The following BAZ2B variants were observed in gnomAD, a reference collection of about 807,000 sequenced individuals.
BAZ2B encodes bromodomain adjacent to zinc finger domain protein 2B.
A neutral mutation model predicts 246.0 loss-of-function variants in BAZ2B; 91 were observed. The ratio of observed to expected loss-of-function variants is 0.37; its 90% CI spans 0.31 to 0.44. The LOEUF (loss-of-function observed/expected upper bound fraction) is 0.44. BAZ2B is among the 20% of genes least tolerant of loss of function. The pLI is 1.00. For synonymous variants in BAZ2B, 855 were observed against 860.0 expected (o/e 0.99, Z 0.10); for missense variants, 2,332 against 2,533.7 (o/e 0.92, Z 1.71).
the BAZ2B span, among the ~76,000 whole-genome samples, chr2:159,629,249 T>C: frequency 6.6e-6 from 1 of 152,182 alleles, no homozygotes; most frequent in Non-Finnish European, 1.5e-5. Flanking sequence ...GTTCAACCAT[T>C]GTGGAAGACA....
intron 34 of BAZ2B, among the ~76,000 whole-genome samples, chr2:159,327,208 T>G (rs979843655): frequency 2.6e-5 from 4 of 152,126 alleles, no homozygotes; most frequent in African/African-American, 9.7e-5. Flanking sequence ...TGAGCCACCA[T>G]GCCTGGCTAA....
intron 21 of BAZ2B, among the ~76,000 whole-genome samples, chr2:159,388,108 C>G (rs1396238487): frequency 6.6e-6 from 1 of 151,196 alleles, no homozygotes; most frequent in African/African-American, 2.4e-5. Flanking sequence ...CACATGTACC[C>G]TAAAACTTAA....
intron 1 of BAZ2B, among the ~76,000 whole-genome samples, chr2:159,564,893 CAG>C (rs1248339450): frequency 6.6e-6 from 1 of 152,104 alleles, no homozygotes; most frequent in Non-Finnish European, 1.5e-5. Context: ...TTTTTTGAGG[CAG>C]AGTCTCACTC....
chr2:159,371,724 T>C (rs573001200), intron 27 of BAZ2B, among the ~76,000 whole-genome samples: 2 of 152,326 alleles, frequency 1.3e-5, no homozygotes, highest in South Asian at 2.1e-4. Context: ...TTAGTCTCTG[T>C]TCTCCAAGAG....
At chr2:159,395,870 C>A (rs756487031) in intron 19 of BAZ2B, 36 bp from the exon 20 acceptor site, 3 of 1,534,778 alleles carry the variant, frequency 2.0e-6, no homozygotes, top group Non-Finnish European at 1.8e-6. Flanking sequence ...AATAACTCAG[C>A]CACAATTAAC....
In BAZ2B at chr2:159,359,500, G is replaced by A. The variant is rs555676293; in HGVS notation, c.4214-9143C>T. On this transcript the variant is annotated intron_variant, in intron 27 of 36. Transcript: ENST00000392783. ...GCCAAAAAAAGCTCAGGACCAGACAGATTCACAGCCGAATTCTACCAGAGG... is the reference window on the plus strand; with the variant it reads ...GCCAAAAAAAGCTCAGGACCAGACAAATTCACAGCCGAATTCTACCAGAGG... Among the ~76,000 whole-genome samples, 4 of 152,272 alleles carry A rather than the reference G, an allele frequency of 2.6e-5. No homozygotes were observed. In the South Asian group the frequency reaches 8.3e-4, roughly 32 times the overall value.
chr2:159,574,506 A>G (rs1684819770), intron 1 of BAZ2B, among the ~76,000 whole-genome samples: 1 of 152,148 alleles, frequency 6.6e-6, no homozygotes, highest in African/African-American at 2.4e-5. Context: ...TCACCCAGCA[A>G]TTCCATTCCT....
intron 23 of BAZ2B, among the ~76,000 whole-genome samples, chr2:159,384,098 T>C (rs1025140041): frequency 6.6e-6 from 1 of 152,008 alleles, no homozygotes; most frequent in Non-Finnish European, 1.5e-5. Context: ...TAAGTGTATA[T>C]ATATAAACAA....
intron 1 of BAZ2B, among the ~76,000 whole-genome samples, chr2:159,612,029 T>A (rs938695455): frequency 5.3e-5 from 8 of 151,988 alleles, no homozygotes; most frequent in African/African-American, 1.9e-4. Flanking sequence ...GTATCACACA[T>A]TTTAGTATGA....
chr2:159,680,736 C>T, the BAZ2B span, among the ~76,000 whole-genome samples: 1 of 152,054 alleles, frequency 6.6e-6, no homozygotes, highest in Non-Finnish European at 1.5e-5. Flanking sequence ...TATATATATT[C>T]CTTATCCTTA....
At chr2:159,339,874 T>C (rs1246528597) in intron 31 of BAZ2B, among the ~76,000 whole-genome samples, 4 of 152,074 alleles carry the variant, frequency 2.6e-5, no homozygotes, top group African/African-American at 9.7e-5. Context: ...AAAGCTACTC[T>C]ACTCTAGAAT....
At chr2:159,400,259 T>C (rs567260582) in intron 17 of BAZ2B, among the ~76,000 whole-genome samples, 1 of 152,364 alleles carries the variant, frequency 6.6e-6, no homozygotes, top group African/African-American at 2.4e-5. Flanking sequence ...CATTTGTTTC[T>C]AAACTAAAAG....
chr2:159,689,387 T>C, the BAZ2B span: 1 of 273,140 alleles, frequency 3.7e-6, no homozygotes, highest in South Asian at 3.9e-5. Flanking sequence ...TTTTTTTTTT[T>C]TTGAGATGGA....
In BAZ2B at chr2:159,350,349, C is replaced by T; in HGVS notation, c.4222G>A (p.Glu1408Lys). The T allele has an allele frequency of 6.5e-7, 1 of 1,539,314 alleles. No individual in the cohort carries two copies. Among genetic ancestry groups the T allele is most frequent in the South Asian group, 1.3e-5 (1 of 79,818 alleles). Residue 1408 changes from glutamate to lysine, a missense_variant, in exon 28 of 37, where the codon GAA (glutamate) becomes AAA (lysine). Physicochemically the swap from Glu to Lys is moderately conservative, Grantham distance 56. Transcript: ENST00000392783. ...EGMESGEGLE[E>K]IAKEREKLKK... Reference sequence around the variant, plus strand: ...AGTTTTTCTCTTTCTTTTGCAATTTCTTCTAGTCCTACAAAATGAAAAAGC... The same window carrying T: ...AGTTTTTCTCTTTCTTTTGCAATTTTTTCTAGTCCTACAAAATGAAAAAGC...
rs112822807 is a variant in BAZ2B, at chr2:159,449,412, A to T, written c.335-1003T>A. 4.1e-4 allele frequency among the ~76,000 whole-genome samples: 62 copies of T among 152,092 alleles called. 2 individuals carry two copies. The highest frequency in any genetic ancestry group is 1.4e-3 in the African/African-American group (59 of 41,406). ...TAAGAACATTAGAGGAAAAAAACCC[A>T]CAACAATACAGTATGGGAGAAACTC... On this transcript the variant is annotated intron_variant, in intron 4 of 36. Coordinates refer to ENST00000392783, the MANE Select transcript of BAZ2B (RefSeq NM_013450.4).
At position 159,385,485 on chromosome 2, in the gene BAZ2B, C is replaced by G. The variant is rs971211875; in HGVS notation, c.3472-116G>C. 1.9e-5 allele frequency: 16 copies of G among 824,656 alleles called. No individual in the cohort carries two copies. The Admixed American group carries it at 5.3e-4, about 27-fold the overall frequency. 51.1% of individuals were successfully genotyped at this position (824,656 alleles called of 1,614,324 possible). Reference sequence around the variant, plus strand: ...AGATACTACTGACAAGAGCTTTATTCACTTTTTTTTTAATGAAAGAGACAC... The same window carrying G: ...AGATACTACTGACAAGAGCTTTATTGACTTTTTTTTTAATGAAAGAGACAC... On this transcript the variant is annotated intron_variant, in intron 22 of 36. Transcript: ENST00000392783.
chr2:159,473,539 GT>G (rs1409773078), intron 3 of BAZ2B, among the ~76,000 whole-genome samples: 1 of 152,052 alleles, frequency 6.6e-6, no homozygotes, highest in Admixed American at 6.6e-5. Context: ...TTTTTGAGGG[GT>G]TTTTTGTTTC....
At chr2:159,639,997 A>G in the BAZ2B span, among the ~76,000 whole-genome samples, 1 of 152,158 alleles carries the variant, frequency 6.6e-6, no homozygotes, top group Admixed American at 6.5e-5. Flanking sequence ...ACTGAAAATA[A>G]AGGGATGGAA....
chr2:159,581,686 T>C (rs915661018), intron 1 of BAZ2B, among the ~76,000 whole-genome samples: 1 of 151,988 alleles, frequency 6.6e-6, no homozygotes, highest in African/African-American at 2.4e-5. Context: ...TGTCCATCAA[T>C]GATAGACTGG....
Sources: allele counts gnomAD v4.1 joint callset (sites outside exome capture counted in the v4.1 genomes callset), GRCh38; gene constraint gnomAD v4.1.1; transcripts MANE v1.5; gene names NCBI Gene and HGNC (gene_info 2026-07-23, HGNC 2026-07-21).